The following DYNLRB1 variants were observed in gnomAD, a reference collection of about 807,000 sequenced individuals.
DYNLRB1 encodes dynein light chain roadblock-type 1, also known as ROBL/LC7-like 1.
DYNLRB1 carries 6 observed loss-of-function variants against 13.5 expected under a neutral mutation model. The ratio of observed to expected loss-of-function variants is 0.44; its 90% CI spans 0.24 to 0.88. DYNLRB1 has a LOEUF of 0.88. Ranked by LOEUF, DYNLRB1 falls within the 40% of genes least tolerant of loss-of-function variation. The probability of loss-of-function intolerance (pLI) is 0.21; values close to 1 mark genes in which losing one functional copy is unlikely to be tolerated. For synonymous variants in DYNLRB1, 43 were observed against 45.0 expected (o/e 0.96, Z 0.18); for missense variants, 93 against 127.2 (o/e 0.73, Z 1.29).
At chr20:34,517,014 G>A in intron 1 of DYNLRB1, 1 of 1,223,962 alleles carries the variant, frequency 8.2e-7, no homozygotes, top group Non-Finnish European at 1.0e-6. Context: ...TGTCGGCGTG[G>A]TTCTTTCTAG....
intron 3 of DYNLRB1, among the ~76,000 whole-genome samples, chr20:34,539,825 C>T (rs1459307616): frequency 6.6e-6 from 1 of 151,860 alleles, no homozygotes; most frequent in Admixed American, 6.6e-5. Flanking sequence ...AAAAATTTAC[C>T]CAGGTTTGGT....
At chr20:34,532,667 C>A (rs1980803259) in intron 2 of DYNLRB1, among the ~76,000 whole-genome samples, 1 of 152,206 alleles carries the variant, frequency 6.6e-6, no homozygotes, top group Admixed American at 6.5e-5. Flanking sequence ...CACATTGTGG[C>A]CATCCAGGAG....
At chr20:34,518,102 T>G (rs1050270708) in intron 1 of DYNLRB1, among the ~76,000 whole-genome samples, 7 of 130,274 alleles carry the variant, frequency 5.4e-5, no homozygotes, top group South Asian at 2.1e-4. Context: ...TTATGGTAGG[T>G]TTTTTTTTTC....
chr20:34,524,547 G>A lies in DYNLRB1; in HGVS notation c.4-1721G>A, dbSNP rs140184622. On this transcript the variant is annotated intron_variant, in intron 1 of 3. Transcript: ENST00000357156. ...GTACTGTCCAGCAGTGACCACTATT[G>A]TGCCCCACTCCTCCCTTTCAGAATA... 8.3e-3 allele frequency among the ~76,000 whole-genome samples: 1,270 copies of A among 152,250 alleles called. 7 individuals carry two copies. Among genetic ancestry groups the A allele is most frequent in the Admixed American group, 0.014 (211 of 15,294 alleles).
intron 2 of DYNLRB1, chr20:34,529,808 C>A: frequency 1.4e-6 from 2 of 1,400,902 alleles, no homozygotes; most frequent in South Asian, 1.6e-5. Context: ...TGCTCCCCAG[C>A]CCTGTCTAGT....
rs149572444 is a variant in DYNLRB1, at chr20:34,534,728, C to T, written c.180C>T (p.Ile60=). 58 of 1,613,800 alleles carry T rather than the reference C, an allele frequency of 3.6e-5. No homozygotes were observed. In the African/African-American group the frequency reaches 6.7e-4, roughly 19 times the overall value. ...ILKARSTVRD[I]DPQNDLTFLR... ...AGGCACGGAGCACCGTGCGTGACAT[C>T]GACCCCCAGAACGATCTCACCTTCC... The change falls in exon 3 of 4, where the codon ATC becomes ATT. Residue 60 remains isoleucine (I), a synonymous_variant. Coordinates refer to ENST00000357156, the MANE Select transcript of DYNLRB1 (RefSeq NM_014183.4).
At chr20:34,518,103 T>G (rs1006694513) in intron 1 of DYNLRB1, among the ~76,000 whole-genome samples, 1 of 151,704 alleles carries the variant, frequency 6.6e-6, no homozygotes. Flanking sequence ...TATGGTAGGT[T>G]TTTTTTTTCG....
intron 2 of DYNLRB1, 29 bp from the exon 3 acceptor site, chr20:34,534,599 C>G: frequency 6.5e-7 from 1 of 1,528,608 alleles, no homozygotes. Context: ...GCTCCACATC[C>G]TCTCAGTCTC....
At chr20:34,523,156 G>A (rs1979899984) in intron 1 of DYNLRB1, among the ~76,000 whole-genome samples, 1 of 152,096 alleles carries the variant, frequency 6.6e-6, no homozygotes, top group Admixed American at 6.5e-5. Context: ...CTGGAGCTGA[G>A]TCCAAAGGGT....
chr20:34,523,634 G>A (rs571636927), intron 1 of DYNLRB1, among the ~76,000 whole-genome samples: 27 of 152,244 alleles, frequency 1.8e-4, no homozygotes, highest in African/African-American at 6.3e-4. Flanking sequence ...TTGCCTTGGT[G>A]AGCCTTCTCT....
chr20:34,527,341 A>C (rs1980306631), intron 2 of DYNLRB1, among the ~76,000 whole-genome samples: 1 of 152,210 alleles, frequency 6.6e-6, no homozygotes, highest in Non-Finnish European at 1.5e-5. Flanking sequence ...GACCTTGGCC[A>C]AGTCGCTTAA....
intron 3 of DYNLRB1, among the ~76,000 whole-genome samples, chr20:34,538,185 GT>G (rs1981319609): frequency 7.2e-6 from 1 of 138,418 alleles, no homozygotes; most frequent in Admixed American, 7.6e-5. Flanking sequence ...CCAGGCTGGT[GT>G]CAAACTCCTA....
chr20:34,535,100 G>C (rs1473350107), intron 3 of DYNLRB1: 1 of 985,290 alleles, frequency 1.0e-6, no homozygotes, highest in Non-Finnish European at 1.2e-6. Context: ...AGAGGAGGGT[G>C]TGGCCAGGCC....
rs6141478 is a variant in DYNLRB1 at position 34,525,616 on chromosome 20, G to A, written c.4-652G>A. On this transcript the variant is annotated intron_variant, in intron 1 of 3. Transcript: ENST00000357156. ...GAGGTGTGTCACGGAGCTGGAGAGT[G>A]GAGGGAAGGGTAGGACAGGAGTGAC... Among the ~76,000 whole-genome samples, 975 of 152,278 alleles carry A rather than the reference G, an allele frequency of 6.4e-3. 26 individuals carry two copies. In the East Asian group the frequency reaches 0.07, roughly 11 times the overall value.
chr20:34,524,018 A>T (rs1326304470), intron 1 of DYNLRB1, among the ~76,000 whole-genome samples: 1 of 152,130 alleles, frequency 6.6e-6, no homozygotes, highest in Non-Finnish European at 1.5e-5. Flanking sequence ...TTGTCATCCA[A>T]GTTATTCTTA....
chr20:34,534,104 T>A (rs1568603243), intron 2 of DYNLRB1, among the ~76,000 whole-genome samples: 1 of 152,206 alleles, frequency 6.6e-6, no homozygotes, highest in Admixed American at 6.5e-5. Flanking sequence ...CACTCCAGCC[T>A]GGGCAACAGA....
chr20:34,526,773 G>C (rs1399694333), intron 2 of DYNLRB1, among the ~76,000 whole-genome samples: 1 of 152,026 alleles, frequency 6.6e-6, no homozygotes, highest in Non-Finnish European at 1.5e-5. Context: ...TTAAAATATT[G>C]CTTCATGGTT....
chr20:34,537,962 C>A (rs1450111775), intron 3 of DYNLRB1, among the ~76,000 whole-genome samples: 1 of 150,370 alleles, frequency 6.7e-6, no homozygotes, highest in Non-Finnish European at 1.5e-5. Flanking sequence ...CCACCCTGGC[C>A]CAGAACCGCC....
In DYNLRB1 at chr20:34,526,560, G is replaced by A. The variant is rs528538238; in HGVS notation, c.79+217G>A. ...GGAGTGGAGAAGGGACAAAGAAATC[G>A]GTAACTGGTTGTGAGCAATTAGTTG... On this transcript the variant is annotated intron_variant, in intron 2 of 3. Coordinates refer to ENST00000357156, the MANE Select transcript of DYNLRB1 (RefSeq NM_014183.4). 1.5e-5 allele frequency: 8 copies of A among 520,568 alleles called. No individual in the cohort carries two copies. In the South Asian group the frequency reaches 1.9e-4, roughly 13 times the overall value. 32.2% of individuals were successfully genotyped at this position (520,568 alleles called of 1,614,324 possible).
Sources: allele counts gnomAD v4.1 joint callset (sites outside exome capture counted in the v4.1 genomes callset), GRCh38; gene constraint gnomAD v4.1.1; transcripts MANE v1.5; gene names NCBI Gene and HGNC (gene_info 2026-07-23, HGNC 2026-07-21).